ZNF76: variants seen among roughly 807,000 people sequenced by gnomAD.
ZNF76 encodes the protein zinc finger protein 523.
ZNF76 carries 66 observed loss-of-function variants against 66.9 expected under a neutral mutation model. The observed-to-expected ratio is 0.99, with a 90% CI of 0.81 to 1.21. ZNF76 has a LOEUF of 1.21. Among genes scored for constraint, ZNF76 ranks in the 50% most tolerant of loss-of-function variants. ZNF76 has a pLI of 0.00. For synonymous variants in ZNF76, 275 were observed against 296.1 expected (o/e 0.93, Z 0.73); for missense variants, 729 against 760.3 (o/e 0.96, Z 0.48).
At chr6:35,286,248 C>G (rs778989772) in intron 3 of ZNF76, 40 bp downstream of exon 3, 2 of 1,613,112 alleles carry the variant, frequency 1.2e-6, no homozygotes, top group African/African-American at 2.7e-5. Context: ...TCGAGGGAAG[C>G]CTGACAGCCC....
At chr6:35,264,883 GC>G (rs899591134) in intron 1 of ZNF76, among the ~76,000 whole-genome samples, 1 of 152,094 alleles carries the variant, frequency 6.6e-6, no homozygotes, top group African/African-American at 2.4e-5. Context: ...GTGGAATAGG[GC>G]TGGACTGGAC....
At position 35,292,014 on chromosome 6, in the gene ZNF76, C is replaced by T; in HGVS notation, c.931+277C>T. The T allele has an allele frequency of 5.6e-6, 3 of 534,488 alleles. No homozygotes were observed. In the South Asian group the frequency reaches 6.4e-5, roughly 11 times the overall value. 33.1% of individuals were successfully genotyped at this position (534,488 alleles called of 1,614,324 possible). A position where few individuals can be genotyped will look rare whatever the true frequency, so the allele number is the denominator to read the frequency against. On this transcript the variant is annotated intron_variant, in intron 9 of 13. Transcript: ENST00000373953. The surrounding 1 kb of genome is among the most constrained non-coding windows in gnomAD (Gnocchi z 4.7). ...TACACCCACCCTGAGTTCTCCAACTCTGACTGAACTCTTGAAAAGAGGCCA... is the reference window on the plus strand; with the variant it reads ...TACACCCACCCTGAGTTCTCCAACTTTGACTGAACTCTTGAAAAGAGGCCA...
In ZNF76 at chr6:35,295,331, G is replaced by T. The variant is rs1256407487; in HGVS notation, c.*83G>T. The T allele has an allele frequency of 1.9e-5, 23 of 1,241,076 alleles. No homozygotes were observed. The East Asian group carries it at 5.6e-4, about 30-fold the overall frequency. 76.9% of individuals were successfully genotyped at this position (1,241,076 alleles called of 1,614,324 possible). On this transcript the variant is annotated 3_prime_UTR_variant, in exon 14 of 14. Transcript: ENST00000373953. The stretch of plus-strand genomic sequence containing the variant: ...CTTGCCCCCAAGGGCCCAGGCTGTG[G>T]CTGACACATAGAAGGTGGCCACATA...
At chr6:35,285,362 C>A (rs1789412922) in intron 2 of ZNF76, among the ~76,000 whole-genome samples, 2 of 152,212 alleles carry the variant, frequency 1.3e-5, no homozygotes, top group South Asian at 4.1e-4. Context: ...TATTGCTTTA[C>A]TTTCCATTTC....
In ZNF76 at chr6:35,295,184, C is replaced by T; in HGVS notation, c.1649C>T (p.Ala550Val). 6.2e-7 allele frequency: 1 copy of T among 1,612,556 alleles called. No homozygotes were observed. ...QQTLEEAINV[A>V]TAAMQQGAVT... ...ACCTTAGAGGAGGCCATCAATGTGGCCACTGCGGCCATGCAGCAAGGGGCT... is the reference window on the plus strand; with the variant it reads ...ACCTTAGAGGAGGCCATCAATGTGGTCACTGCGGCCATGCAGCAAGGGGCT... Residue 550 changes from alanine (A) to valine (V), a missense_variant, in exon 14 of 14, where the codon GCC (alanine) becomes GTC (valine). Physicochemically the swap from Ala to Val is moderately conservative, Grantham distance 64. Transcript: ENST00000373953.
rs374808666 is a variant in ZNF76 at position 35,287,646 on chromosome 6, A to T, written c.233A>T (p.Glu78Val). 4 of 1,607,180 alleles carry T rather than the reference A, an allele frequency of 2.5e-6. No individual in the cohort carries two copies. In the African/African-American group the frequency reaches 5.3e-5, roughly 21 times the overall value. The change falls in exon 5 of 14, where the codon GAA (glutamate) becomes GTA (valine). Residue 78 changes from glutamate (E) to valine (V), a missense_variant and splice_region_variant. By Grantham distance (121) the Glu-to-Val change is moderately radical (BLOSUM62 -2). Transcript: ENST00000373953. This position sits in a 1 kb window ranked among gnomAD's most constrained non-coding sequence, Gnocchi z 4.0. ...SMAYIHRTPR[E>V]GYDPSTLEAV... ...AGGGCTAACCGCGTGTTCCCTGCAGAAGGCTATGACCCCAGCACCCTGGAA... is the reference window on the plus strand; with the variant it reads ...AGGGCTAACCGCGTGTTCCCTGCAGTAGGCTATGACCCCAGCACCCTGGAA...
chr6:35,283,942 G>A (rs183850940), intron 2 of ZNF76, among the ~76,000 whole-genome samples: 4 of 152,280 alleles, frequency 2.6e-5, no homozygotes, highest in Admixed American at 2.6e-4. Flanking sequence ...ACTCAGTTTG[G>A]GAGCAAGTTT....
At chr6:35,286,726 A>G in intron 4 of ZNF76, 1 of 402,222 alleles carries the variant, frequency 2.5e-6, no homozygotes, top group African/African-American at 2.0e-5. Flanking sequence ...AAAAAAAACT[A>G]ATATTTTAGA....
chr6:35,290,240 T>G, intron 5 of ZNF76, 26 bp from the exon 6 acceptor site: 1 of 1,613,726 alleles, frequency 6.2e-7, no homozygotes, highest in African/African-American at 1.3e-5. Flanking sequence ...AGAATACATA[T>G]AGGGATCTCA....
intron 1 of ZNF76, among the ~76,000 whole-genome samples, chr6:35,267,701 C>T (rs543573722): frequency 3.9e-5 from 6 of 152,294 alleles, no homozygotes; most frequent in African/African-American, 1.2e-4. Context: ...GGCTTCACTG[C>T]CAAGTGCAGA....
At chr6:35,288,488 A>C (rs918980786) in intron 5 of ZNF76, among the ~76,000 whole-genome samples, 5 of 152,174 alleles carry the variant, frequency 3.3e-5, no homozygotes, top group Non-Finnish European at 7.4e-5. Context: ...AGCTTTCCAA[A>C]CCAGGGTGTT....
Position 35,295,483 on chromosome 6 carries a change from G to A in ZNF76, c.*235G>A, listed in dbSNP as rs148591752. 2.5e-4 allele frequency: 134 copies of A among 536,338 alleles called. 1 individual carries two copies. The East Asian group carries it at 4.4e-3, about 18-fold the overall frequency. The allele number at this position is 536,338 out of a possible 1,614,324, so 33.2% of individuals were successfully genotyped here. On this transcript the variant is annotated 3_prime_UTR_variant, in exon 14 of 14. Coordinates refer to ENST00000373953, the MANE Select transcript of ZNF76 (RefSeq NM_003427.5). Reference sequence around the variant, plus strand: ...ATCCTCGGGAGCTGACAACAGCCAGGCTACACCAGGGCACCCGCCTCTCAA... The same window carrying A: ...ATCCTCGGGAGCTGACAACAGCCAGACTACACCAGGGCACCCGCCTCTCAA...
Position 35,291,283 on chromosome 6 carries a change from G to A in ZNF76, c.631G>A (p.Gly211Arg), listed in dbSNP as rs775241374. 1.2e-6 allele frequency: 2 copies of A among 1,608,714 alleles called. No individual in the cohort carries two copies. Among genetic ancestry groups the A allele is most frequent in the Admixed American group, 1.7e-5 (1 of 59,148 alleles). Residue 211 changes from glycine to arginine, a missense_variant, in exon 8 of 14, where the codon GGA becomes AGA. By Grantham distance (125) the Gly-to-Arg change is moderately radical (BLOSUM62 -2). Transcript: ENST00000373953. ...TGCCTGCCACATATGGACAGGCTAT[G>A]GACTGAAGAGCCACGTTCGTACCCA... ...SCGKAFATGY[G>R]LKSHVRTHTG... is the part of the protein sequence containing the mutation.
chr6:35,285,147 G>A (rs1035503692), intron 2 of ZNF76, among the ~76,000 whole-genome samples: 1 of 152,210 alleles, frequency 6.6e-6, no homozygotes, highest in African/African-American at 2.4e-5. Flanking sequence ...TTTCCAGTAA[G>A]GTAAAGGAAG....
intron 1 of ZNF76, among the ~76,000 whole-genome samples, chr6:35,272,387 TTAGTC>T (rs369116862): frequency 3.5e-4 from 53 of 152,216 alleles, no homozygotes; most frequent in South Asian, 1.7e-3. Context: ...GAAGATTACT[TTAGTC>T]TAGGAGTTCA....
chr6:35,281,670 G>A (rs1788788394), intron 2 of ZNF76, among the ~76,000 whole-genome samples: 1 of 152,120 alleles, frequency 6.6e-6, no homozygotes, highest in Non-Finnish European at 1.5e-5. Context: ...AGTGGCTCAT[G>A]TCTATAATCC....
rs375055882 is a variant in ZNF76 at position 35,295,499 on chromosome 6, C to A, written c.*251C>A. On this transcript the variant is annotated 3_prime_UTR_variant, in exon 14 of 14. Coordinates refer to ENST00000373953, the MANE Select transcript of ZNF76 (RefSeq NM_003427.5). ...AACAGCCAGGCTACACCAGGGCACCCGCCTCTCAAAATCAGCTGGGCGCCC... is the reference window on the plus strand; with the variant it reads ...AACAGCCAGGCTACACCAGGGCACCAGCCTCTCAAAATCAGCTGGGCGCCC... 1 of 502,140 alleles carries A rather than the reference C, an allele frequency of 2.0e-6. No individual in the cohort carries two copies. The highest frequency in any genetic ancestry group is 2.0e-5 in the South Asian group (1 of 50,270). The allele number at this position is 502,140 out of a possible 1,614,324, so 31.1% of individuals were successfully genotyped here.
At chr6:35,288,553 C>T (rs561526171) in intron 5 of ZNF76, among the ~76,000 whole-genome samples, 8 of 152,344 alleles carry the variant, frequency 5.3e-5, no homozygotes, top group East Asian at 1.9e-4. Flanking sequence ...GCTTCCTGCA[C>T]GTTCCTTCCT....
At chr6:35,260,730 C>T (rs1473846731) in intron 1 of ZNF76, among the ~76,000 whole-genome samples, 1 of 152,160 alleles carries the variant, frequency 6.6e-6, no homozygotes, top group Non-Finnish European at 1.5e-5. Context: ...AGTTTCTCAT[C>T]ATGACTGTGA....
Sources: gnomAD v4.1 joint callset for allele counts (sites outside exome capture counted in the v4.1 genomes callset) on GRCh38, gnomAD v4.1.1 for gene constraint, Gnocchi (gnomAD v3.1) non-coding constraint, MANE v1.5 for transcripts, NCBI Gene and HGNC (gene_info 2026-07-23, HGNC 2026-07-21) for gene names.